The following C3orf22 variants were observed in gnomAD, a reference collection of about 807,000 sequenced individuals.
C3orf22 encodes uncharacterized protein C3orf22.
C3orf22 carries 7 observed loss-of-function variants against 10.8 expected under a neutral mutation model. That is an observed-to-expected ratio of 0.65 (90% CI 0.37 to 1.22). The LOEUF (loss-of-function observed/expected upper bound fraction) is 1.22. Ranked by LOEUF, C3orf22 falls within the 50% of genes most tolerant of loss-of-function variation. C3orf22 has a pLI of 0.02. For missense variants in C3orf22, 173 were observed against 177.0 expected, an observed-to-expected ratio of 0.98 and a Z score of 0.13; for synonymous variants, 79 against 78.9, an observed-to-expected ratio of 1.00 and a Z score of 0.00.
chr3:126,549,955 T>C lies in C3orf22; in HGVS notation c.339A>G (p.Gln113=), dbSNP rs1937143942. Residue 113 remains glutamine, a synonymous_variant, in exon 4 of 4, where the codon CAA becomes CAG. Transcript: ENST00000318225. The part of the protein sequence containing the change: ...LKLLSRRFPR[Q]LAFLLSTRHT... The stretch of plus-strand genomic sequence containing the variant: ...GCCGGGTGGACAGCAGGAAGGCGAG[T>C]TGTCTGGGGAAGCGGCGACTCAGCA... 2 of 1,612,910 alleles carry C rather than the reference T, an allele frequency of 1.2e-6. No individual in the cohort carries two copies. Among genetic ancestry groups the C allele is most frequent in the Admixed American group, 1.7e-5 (1 of 59,886 alleles).
chr3:126,550,092 A>C lies in C3orf22; in HGVS notation c.216-14T>G. 1 of 1,613,612 alleles carries C rather than the reference A, an allele frequency of 6.2e-7. No homozygotes were observed. The highest frequency in any genetic ancestry group is 8.5e-7 in the Non-Finnish European group (1 of 1,179,686). On this transcript the variant is annotated splice_polypyrimidine_tract_variant and intron_variant, in intron 3 of 3. Transcript: ENST00000318225. ...GGAGCCCCGAGCCTAGAGAAGCCACACAGAGCCACGCCTGGCCTTCAGGAC... is the reference window on the plus strand; with the variant it reads ...GGAGCCCCGAGCCTAGAGAAGCCACCCAGAGCCACGCCTGGCCTTCAGGAC...
At chr3:126,542,357 A>G in intron 4 of C3orf22, 1 of 1,565,854 alleles carries the variant, frequency 6.4e-7, no homozygotes, top group Non-Finnish European at 8.6e-7. Flanking sequence ...CAAGTTCGAG[A>G]CGCTGGCGGA....
chr3:126,539,976 CCA>C (rs1199067402), intron 4 of C3orf22, among the ~76,000 whole-genome samples: 1 of 146,802 alleles, frequency 6.8e-6, no homozygotes, highest in African/African-American at 2.5e-5. Flanking sequence ...CACACAAATG[CCA>C]CACACGCATG....
At chr3:126,532,123 G>T (rs1262905971) in intron 4 of C3orf22, among the ~76,000 whole-genome samples, 5 of 152,116 alleles carry the variant, frequency 3.3e-5, no homozygotes, top group African/African-American at 1.2e-4. Flanking sequence ...GTTGTCTTTT[G>T]TTGTTCCATT....
rs906470813 is a variant in C3orf22 at position 126,553,537 on chromosome 3, C to CT, written c.-40-108dup. 8.6e-6 allele frequency: 6 copies of CT among 701,736 alleles called. No homozygotes were observed. The African/African-American group carries it at 1.0e-4, about 12-fold the overall frequency. 43.5% of individuals were successfully genotyped at this position (701,736 alleles called of 1,614,324 possible). ...GGGTGCCTGCGGGCCGCCAAATGAC[C>CT]TGCATCACTGCCCTGTGCATGCACC... On this transcript the variant is annotated intron_variant, in intron 1 of 3. Transcript: ENST00000318225.
intron 4 of C3orf22, chr3:126,542,555 C>T: frequency 6.6e-7 from 1 of 1,509,884 alleles, no homozygotes. Flanking sequence ...CTACTCCGCC[C>T]CCTCCTACCT....
chr3:126,550,459 A>G (rs1187475888), intron 3 of C3orf22, among the ~76,000 whole-genome samples: 2 of 152,142 alleles, frequency 1.3e-5, no homozygotes, highest in Admixed American at 6.5e-5. Flanking sequence ...TGCCATGCCA[A>G]CCTGACTGTG....
chr3:126,534,718 C>T (rs1936728898), intron 4 of C3orf22, among the ~76,000 whole-genome samples: 1 of 139,468 alleles, frequency 7.2e-6, no homozygotes, highest in African/African-American at 2.7e-5. Flanking sequence ...AGCCGGGAGA[C>T]AGACAGACAG....
chr3:126,556,720 C>G (rs1487611676), intron 1 of C3orf22, among the ~76,000 whole-genome samples: 1 of 150,556 alleles, frequency 6.6e-6, no homozygotes, highest in Non-Finnish European at 1.5e-5. Context: ...ACAGACTGAC[C>G]CCACACACAG....
At chr3:126,547,561 C>T (rs1421046325), downstream of C3orf22, among the ~76,000 whole-genome samples, 2 of 152,222 alleles carry the variant, frequency 1.3e-5, no homozygotes, top group Non-Finnish European at 2.9e-5. Flanking sequence ...TTTCTACAAA[C>T]CACCACCAGC....
chr3:126,540,162 G>A, intron 4 of C3orf22, among the ~76,000 whole-genome samples: 1 of 152,198 alleles, frequency 6.6e-6, no homozygotes, highest in African/African-American at 2.4e-5. Context: ...TGGCTCTGGT[G>A]TTCCTCCAAA....
At chr3:126,529,881 G>A (rs1936615367) in intron 4 of C3orf22, among the ~76,000 whole-genome samples, 1 of 152,234 alleles carries the variant, frequency 6.6e-6, no homozygotes, top group African/African-American at 2.4e-5. Context: ...GCCCTCCTGG[G>A]CTACACTGCC....
chr3:126,554,869 G>C (rs1937289931), intron 1 of C3orf22, among the ~76,000 whole-genome samples: 1 of 152,154 alleles, frequency 6.6e-6, no homozygotes, highest in Non-Finnish European at 1.5e-5. Flanking sequence ...GGTCCTTGTG[G>C]CCTAGCCAGG....
At chr3:126,550,143 C>A in intron 3 of C3orf22, 65 bp from the exon 4 acceptor site, 1 of 1,577,152 alleles carries the variant, frequency 6.3e-7, no homozygotes, top group South Asian at 1.2e-5. Context: ...CCATTGCAGC[C>A]CAGAGAAGTC....
At chr3:126,546,966 C>G (rs1191052956), downstream of C3orf22, among the ~76,000 whole-genome samples, 1 of 152,234 alleles carries the variant, frequency 6.6e-6, no homozygotes, top group Non-Finnish European at 1.5e-5. Flanking sequence ...TTCCACTGGT[C>G]TTAAATGCTA....
At chr3:126,531,820 C>G (rs1259423637) in intron 4 of C3orf22, among the ~76,000 whole-genome samples, 1 of 152,178 alleles carries the variant, frequency 6.6e-6, no homozygotes, top group Admixed American at 6.5e-5. Flanking sequence ...TAGGAACATA[C>G]TTAGGAGAGG....
Position 126,542,222 on chromosome 3 carries a change from C to A in C3orf22, c.286+7315G>T, listed in dbSNP as rs758712946. ...CGCCCGGGCCCGCGGCCACGACGTG[C>A]GCTTCGCGGAGTTCCTGGCCTACCT... On this transcript the variant is annotated intron_variant and NMD_transcript_variant, in intron 4 of 5. Coordinates refer to the C3orf22 transcript ENST00000505070. 7 of 1,487,874 alleles carry A rather than the reference C, an allele frequency of 4.7e-6. No individual in the cohort carries two copies. The South Asian group carries it at 7.6e-5, about 16-fold the overall frequency. 92.2% of individuals were successfully genotyped at this position (1,487,874 alleles called of 1,614,324 possible).
chr3:126,534,959 C>CT (rs1936737718), intron 4 of C3orf22, among the ~76,000 whole-genome samples: 1 of 148,678 alleles, frequency 6.7e-6, no homozygotes, highest in African/African-American at 2.5e-5. Flanking sequence ...CTGTCCCCAG[C>CT]CGGAGACAGA....
At chr3:126,539,242 G>C (rs1936869478) in intron 4 of C3orf22, among the ~76,000 whole-genome samples, 1 of 152,150 alleles carries the variant, frequency 6.6e-6, no homozygotes, top group African/African-American at 2.4e-5. Flanking sequence ...GACTATGTCT[G>C]AACGTATCTC....
Sources: allele counts gnomAD v4.1 joint callset (sites outside exome capture counted in the v4.1 genomes callset), GRCh38; gene constraint gnomAD v4.1.1; transcripts MANE v1.5; gene names NCBI Gene and HGNC (gene_info 2026-07-23, HGNC 2026-07-21).